Variants in RANBP2 observed in about 807,000 individuals in gnomAD.
RANBP2 encodes the protein RAN binding protein 2.
In RANBP2, 57 loss-of-function variants were observed where a neutral mutation model predicts 303.6. The ratio of observed to expected loss-of-function variants is 0.19; its 90% CI spans 0.15 to 0.23. The LOEUF (loss-of-function observed/expected upper bound fraction) is 0.23, where lower values mean the gene tolerates loss of function less well. RANBP2 is among the 10% of genes least tolerant of loss of function. The pLI is 1.00. For synonymous variants in RANBP2, 1,167 were observed against 1,301.5 expected (o/e 0.90, Z 2.23); for missense variants, 3,138 against 3,780.8 (o/e 0.83, Z 4.46).
chr2:109,520,879 C>A, the RANBP2 span, among the ~76,000 whole-genome samples: 2 of 101,038 alleles, frequency 2.0e-5, no homozygotes, highest in African/African-American at 2.9e-5. Flanking sequence ...TCACAGTGAG[C>A]CAAGATCGCG....
the RANBP2 span, chr2:109,449,601 A>G: frequency 3.7e-6 from 5 of 1,339,646 alleles, no homozygotes; most frequent in Non-Finnish European, 5.0e-6. Context: ...TGTGGGCTCC[A>G]AGTGCCTGCC....
At chr2:109,193,159 G>A in the RANBP2 span, among the ~76,000 whole-genome samples, 12 of 152,218 alleles carry the variant, frequency 7.9e-5, no homozygotes, top group African/African-American at 2.2e-4. Context: ...AAGGCCAGAG[G>A]TCTCACATTT....
At chr2:108,912,290 A>G in the RANBP2 span, among the ~76,000 whole-genome samples, 5 of 152,328 alleles carry the variant, frequency 3.3e-5, no homozygotes, top group African/African-American at 9.6e-5. Context: ...TCTGCAAGTT[A>G]ATATTAAAGT....
At chr2:109,249,917 C>T in the RANBP2 span, among the ~76,000 whole-genome samples, 6 of 151,802 alleles carry the variant, frequency 4.0e-5, no homozygotes, top group Non-Finnish European at 8.8e-5. Flanking sequence ...ATCTCCTGAC[C>T]TCATGATCCA....
the RANBP2 span, among the ~76,000 whole-genome samples, chr2:109,089,060 T>TG: frequency 2.6e-5 from 4 of 151,300 alleles, no homozygotes; most frequent in African/African-American, 7.3e-5. Context: ...CAGGGCACAG[T>TG]GGGGAAAAGT....
the RANBP2 span, among the ~76,000 whole-genome samples, chr2:108,842,165 T>A: frequency 6.6e-6 from 1 of 151,792 alleles, no homozygotes; most frequent in African/African-American, 2.4e-5. Flanking sequence ...GTAGCTAGGA[T>A]TACAGACGTT....
chr2:109,642,152 T>G, the RANBP2 span, among the ~76,000 whole-genome samples: 1 of 152,126 alleles, frequency 6.6e-6, no homozygotes, highest in South Asian at 2.1e-4. Context: ...GGTCTCGAAC[T>G]CCTGACCGTG....
the RANBP2 span, among the ~76,000 whole-genome samples, chr2:109,179,897 G>T: frequency 6.6e-6 from 1 of 151,976 alleles, no homozygotes; most frequent in African/African-American, 2.4e-5. Flanking sequence ...AAAATACAGG[G>T]GTCAAAAAAG....
the RANBP2 span, among the ~76,000 whole-genome samples, chr2:109,305,910 C>T: frequency 6.6e-6 from 1 of 152,226 alleles, no homozygotes; most frequent in Non-Finnish European, 1.5e-5. Context: ...GAGCTCTGCC[C>T]TTTGGGCTGC....
the RANBP2 span, chr2:109,614,733 A>C: frequency 6.7e-7 from 1 of 1,487,976 alleles, no homozygotes; most frequent in Non-Finnish European, 8.9e-7. Flanking sequence ...CCTCAAGAAG[A>C]GGTTCTGTGA....
the RANBP2 span, among the ~76,000 whole-genome samples, chr2:108,899,273 A>G: frequency 6.6e-6 from 1 of 152,340 alleles, no homozygotes; most frequent in South Asian, 2.1e-4. Flanking sequence ...AGTATTTCCA[A>G]GTACTGAAAG....
chr2:109,715,257 A>G, the RANBP2 span, among the ~76,000 whole-genome samples: 4 of 151,980 alleles, frequency 2.6e-5, no homozygotes, highest in African/African-American at 7.2e-5. Context: ...ATGAGCCACA[A>G]TGCCCAGCCT....
chr2:108,799,511 A>T, the RANBP2 span, among the ~76,000 whole-genome samples: 2 of 152,192 alleles, frequency 1.3e-5, no homozygotes, highest in African/African-American at 4.8e-5. Flanking sequence ...GTCCCAGTAC[A>T]TCTGCCTTTT....
At chr2:108,985,071 A>G in the RANBP2 span, among the ~76,000 whole-genome samples, 1 of 152,152 alleles carries the variant, frequency 6.6e-6, no homozygotes, top group Non-Finnish European at 1.5e-5. Context: ...CTATCCTAAG[A>G]AAGTGCTTTC....
the RANBP2 span, chr2:108,910,668 TG>T: frequency 7.0e-7 from 1 of 1,435,658 alleles, no homozygotes; most frequent in Non-Finnish European, 9.8e-7. Context: ...AAGCACAGTA[TG>T]GTTCAGCATG....
At chr2:109,150,025 G>GT in the RANBP2 span, among the ~76,000 whole-genome samples, 1 of 152,184 alleles carries the variant, frequency 6.6e-6, no homozygotes, top group African/African-American at 2.4e-5. Flanking sequence ...CCAGGGCCCT[G>GT]TGATGGGTCT....
chr2:108,829,916 C>G, the RANBP2 span, among the ~76,000 whole-genome samples: 1 of 152,064 alleles, frequency 6.6e-6, no homozygotes, highest in African/African-American at 2.4e-5. Flanking sequence ...AGTTTTACTT[C>G]TGGATATATA....
chr2:109,731,379 C>G, the RANBP2 span, among the ~76,000 whole-genome samples: 1 of 151,814 alleles, frequency 6.6e-6, no homozygotes, highest in Admixed American at 6.6e-5. Context: ...TCAAATAGCT[C>G]AATTTTTAGT....
At chr2:109,529,352 AC>A in the RANBP2 span, among the ~76,000 whole-genome samples, 1 of 152,162 alleles carries the variant, frequency 6.6e-6, no homozygotes, top group Non-Finnish European at 1.5e-5. Context: ...GTGTAGAGTG[AC>A]CAGCGGTGTC....
Sources: gnomAD v4.1 joint callset for allele counts (sites outside exome capture counted in the v4.1 genomes callset) on GRCh38, gnomAD v4.1.1 for gene constraint, MANE v1.5 for transcripts, NCBI Gene and HGNC (gene_info 2026-07-23, HGNC 2026-07-21) for gene names.